The following GLIS1 variants were observed in gnomAD, a reference collection of about 807,000 sequenced individuals.
The protein encoded by GLIS1 is GLIS family zinc finger 1, also known as zinc finger protein GLIS1.
GLIS1 carries 24 observed loss-of-function variants against 63.8 expected under a neutral mutation model. The ratio of observed to expected loss-of-function variants is 0.38; its 90% CI spans 0.27 to 0.53. GLIS1 has a LOEUF of 0.53. Ranked by LOEUF, GLIS1 falls within the 20% of genes least tolerant of loss-of-function variation. The pLI is 0.85. For synonymous variants in GLIS1, 450 were observed against 482.5 expected (o/e 0.93, Z 0.88); for missense variants, 1,036 against 1,074.1 (o/e 0.96, Z 0.50).
chr1:53,509,763 C>G lies in GLIS1; in HGVS notation c.2062+86G>C, dbSNP rs475322. ...TCATTCTCTGAGTACCTGCCTCCCC[C>G]ACTAGGTCACTGTCTCCTCGTTCCT... On this transcript the variant is annotated intron_variant, in intron 9 of 10. Coordinates refer to ENST00000628545, the MANE Select transcript of GLIS1 (RefSeq NM_001367484.1). The G allele has an allele frequency of 7.2e-5, 58 of 805,146 alleles. No individual in the cohort carries two copies. In the Admixed American group the frequency reaches 1.7e-3, roughly 24 times the overall value. 49.9% of individuals were successfully genotyped at this position (805,146 alleles called of 1,614,324 possible). A position where few individuals can be genotyped will look rare whatever the true frequency, so the allele number is the denominator to read the frequency against.
chr1:53,551,724 C>T (rs1174867069), intron 4 of GLIS1, among the ~76,000 whole-genome samples: 2 of 152,054 alleles, frequency 1.3e-5, no homozygotes, highest in Admixed American at 6.5e-5. Flanking sequence ...CCCACCTCTG[C>T]CCTCCCTCTG....
chr1:53,606,060 T>C (rs745874043), intron 2 of GLIS1, among the ~76,000 whole-genome samples: 1 of 152,236 alleles, frequency 6.6e-6, no homozygotes, highest in Non-Finnish European at 1.5e-5. Context: ...AGCCTCAGTT[T>C]CTTCATCTAT....
intron 2 of GLIS1, among the ~76,000 whole-genome samples, chr1:53,724,758 A>C (rs1646788831): frequency 6.6e-6 from 1 of 152,088 alleles, no homozygotes; most frequent in African/African-American, 2.4e-5. Flanking sequence ...GGCTTCAAGC[A>C]ATCCTCCTGG....
At chr1:53,737,035 C>G (rs1312075634) in intron 2 of GLIS1, among the ~76,000 whole-genome samples, 1 of 152,152 alleles carries the variant, frequency 6.6e-6, no homozygotes, top group Admixed American at 6.5e-5. Flanking sequence ...TCTCCAATTC[C>G]TGGTTAATTA....
chr1:53,592,934 C>A (rs1389271757), intron 4 of GLIS1, among the ~76,000 whole-genome samples: 1 of 152,258 alleles, frequency 6.6e-6, no homozygotes, highest in African/African-American at 2.4e-5. Flanking sequence ...GCACCTTGCC[C>A]CAGGAGGACG....
Position 53,672,752 on chromosome 1 carries a change from C to T in GLIS1, c.259+65054G>A, listed in dbSNP as rs75881573. ...GCCCTGCAAGACTTTCCACCTGCTCCTCTATCTCCCCTTCCCGACACAAAC... is the reference window on the plus strand; with the variant it reads ...GCCCTGCAAGACTTTCCACCTGCTCTTCTATCTCCCCTTCCCGACACAAAC... On this transcript the variant is annotated intron_variant, in intron 2 of 10. Coordinates refer to ENST00000628545, the MANE Select transcript of GLIS1 (RefSeq NM_001367484.1). 6.3e-3 allele frequency among the ~76,000 whole-genome samples: 959 copies of T among 152,356 alleles called. 5 individuals carry two copies. Among genetic ancestry groups the T allele is most frequent in the Non-Finnish European group, 9.2e-3 (628 of 68,038 alleles).
chr1:53,556,106 T>A (rs1644820586), intron 4 of GLIS1, among the ~76,000 whole-genome samples: 1 of 146,086 alleles, frequency 6.8e-6, no homozygotes, highest in African/African-American at 2.6e-5. Flanking sequence ...CAGGTGTGTG[T>A]GTGTATGCAG....
At chr1:53,699,062 TTTTTA>T (rs1646496975) in intron 2 of GLIS1, among the ~76,000 whole-genome samples, 1 of 140,174 alleles carries the variant, frequency 7.1e-6, no homozygotes, top group East Asian at 2.1e-4. Context: ...TTGTTTTTTA[TTTTTA>T]TTTTTATTTT....
intron 2 of GLIS1, among the ~76,000 whole-genome samples, chr1:53,632,895 GAA>G (rs1645676934): frequency 2.7e-5 from 4 of 149,298 alleles, no homozygotes; most frequent in South Asian, 2.2e-4. Context: ...AGGGGCGTGT[GAA>G]TGAATGTGAA....
chr1:53,619,709 G>A (rs1645521199), intron 2 of GLIS1, among the ~76,000 whole-genome samples: 1 of 152,238 alleles, frequency 6.6e-6, no homozygotes, highest in Non-Finnish European at 1.5e-5. Flanking sequence ...CGGCCCACAG[G>A]CCAGGAGAAG....
intron 4 of GLIS1, among the ~76,000 whole-genome samples, chr1:53,571,076 A>G (rs762960192): frequency 1.8e-4 from 27 of 152,210 alleles, no homozygotes; most frequent in Non-Finnish European, 3.4e-4. Flanking sequence ...GAAAAAGACA[A>G]ACAACCAATA....
Position 53,618,600 on chromosome 1 carries a change from A to T in GLIS1, c.260-18322T>A, listed in dbSNP as rs566682128. Among the ~76,000 whole-genome samples, 6 of 152,330 alleles carry T rather than the reference A, an allele frequency of 3.9e-5. No individual in the cohort carries two copies. In the East Asian group the frequency reaches 1.2e-3, roughly 29 times the overall value. ...CCTGGCCCTGCCTGTAGCTGTGCAC[A>T]GGGCTGCACCAGCCCACACAGGACC... On this transcript the variant is annotated intron_variant, in intron 2 of 10. Coordinates refer to ENST00000628545, the MANE Select transcript of GLIS1 (RefSeq NM_001367484.1).
In GLIS1 at chr1:53,514,522, A is replaced by C. The variant is rs560996663; in HGVS notation, c.1883+103T>G. Reference sequence around the variant, plus strand: ...TCCCTGAAGGTTGGCTATTTTCATTATCAGTAACAAGCAGATAGATAGTGC... The same window carrying C: ...TCCCTGAAGGTTGGCTATTTTCATTCTCAGTAACAAGCAGATAGATAGTGC... On this transcript the variant is annotated intron_variant, in intron 8 of 10. Transcript: ENST00000628545. 4.3e-6 allele frequency: 5 copies of C among 1,170,472 alleles called. No homozygotes were observed. In the African/African-American group the frequency reaches 7.8e-5, roughly 18 times the overall value. 72.5% of individuals were successfully genotyped at this position (1,170,472 alleles called of 1,614,324 possible).
intron 10 of GLIS1, 130 bp downstream of exon 10, chr1:53,508,990 C>T (rs1412244683): frequency 2.2e-6 from 2 of 906,474 alleles, no homozygotes; most frequent in Non-Finnish European, 3.2e-6. Context: ...TCTACTTCCC[C>T]CTCTGTAAAG....
intron 2 of GLIS1, among the ~76,000 whole-genome samples, chr1:53,619,660 C>A (rs1024895366): frequency 1.3e-5 from 2 of 152,242 alleles, no homozygotes; most frequent in African/African-American, 4.8e-5. Flanking sequence ...AGTCCTCAGC[C>A]CAGGGCTCCA....
intron 2 of GLIS1, among the ~76,000 whole-genome samples, chr1:53,731,689 G>A (rs1253989737): frequency 6.6e-6 from 1 of 152,158 alleles, no homozygotes; most frequent in Non-Finnish European, 1.5e-5. Context: ...AGGGCTGCTG[G>A]GCATAATTAA....
intron 3 of GLIS1, among the ~76,000 whole-genome samples, chr1:53,597,769 C>T (rs1265209723): frequency 6.6e-6 from 1 of 152,008 alleles, no homozygotes; most frequent in Non-Finnish European, 1.5e-5. Context: ...CAAATTCAAC[C>T]ACTTTAATAG....
chr1:53,651,119 G>A (rs371989897), intron 2 of GLIS1, among the ~76,000 whole-genome samples: 2 of 152,156 alleles, frequency 1.3e-5, no homozygotes, highest in Non-Finnish European at 2.9e-5. Flanking sequence ...TAAGTGCATC[G>A]TATGCTTATA....
intron 2 of GLIS1, among the ~76,000 whole-genome samples, chr1:53,617,024 A>G (rs929001304): frequency 5.9e-5 from 9 of 151,490 alleles, no homozygotes; most frequent in African/African-American, 2.2e-4. Flanking sequence ...ATGGGGCTTC[A>G]TGCAATCCTC....
Sources: allele counts gnomAD v4.1 joint callset (sites outside exome capture counted in the v4.1 genomes callset), GRCh38; gene constraint gnomAD v4.1.1; transcripts MANE v1.5; gene names NCBI Gene and HGNC (gene_info 2026-07-23, HGNC 2026-07-21).